Variants in PUM1 observed in about 807,000 individuals in gnomAD.
The protein encoded by PUM1 is pumilio RNA binding family member 1, also known as pumilio homolog 1.
Under a neutral mutation model 131.8 loss-of-function variants are expected in PUM1, and 13 were observed. The ratio of observed to expected loss-of-function variants is 0.10; its 90% confidence interval spans 0.06 to 0.16. The LOEUF is 0.16. Among genes scored for constraint, PUM1 ranks in the 10% least tolerant of loss-of-function variants. The pLI is 1.00. For synonymous variants in PUM1, 509 were observed against 556.5 expected (o/e 0.91, Z 1.20); for missense variants, 961 against 1,512.4 (o/e 0.64, Z 6.05).
At chr1:30,968,516 C>T in intron 10 of PUM1, 24 bp from the exon 11 acceptor site, 2 of 1,584,338 alleles carry the variant, frequency 1.3e-6, no homozygotes, top group African/African-American at 1.4e-5. Flanking sequence ...ACAGAAATAA[C>T]TCAACCACTT....
chr1:31,016,741 G>T (rs967443504), intron 3 of PUM1, among the ~76,000 whole-genome samples: 1 of 152,036 alleles, frequency 6.6e-6, no homozygotes, highest in African/African-American at 2.4e-5. Flanking sequence ...TGTTTCAAAT[G>T]GTTACTACTG....
At chr1:31,051,126 A>G (rs1477732351) in intron 2 of PUM1, 1 of 151,858 alleles carries the variant, frequency 6.6e-6, no homozygotes, top group Non-Finnish European at 1.5e-5. Flanking sequence ...CTCTTTTTTA[A>G]TACATAATAA....
chr1:30,990,661 G>A (rs1053674762), intron 7 of PUM1, among the ~76,000 whole-genome samples: 2 of 151,166 alleles, frequency 1.3e-5, no homozygotes, highest in Non-Finnish European at 2.9e-5. Context: ...TGCTATTAGG[G>A]CCCCCGGTAC....
At chr1:30,994,397 A>G (rs568935164) in intron 6 of PUM1, among the ~76,000 whole-genome samples, 1 of 152,348 alleles carries the variant, frequency 6.6e-6, no homozygotes, top group South Asian at 2.1e-4. Flanking sequence ...TTTTTCAAGA[A>G]TATGTGCCAA....
chr1:30,988,297 A>G (rs1202351038), intron 7 of PUM1, among the ~76,000 whole-genome samples: 3 of 152,224 alleles, frequency 2.0e-5, no homozygotes, highest in Non-Finnish European at 2.9e-5. Flanking sequence ...CAATGAATTA[A>G]ATGAAAATTA....
At chr1:30,993,960 C>T (rs1641894198) in intron 6 of PUM1, among the ~76,000 whole-genome samples, 1 of 152,104 alleles carries the variant, frequency 6.6e-6, no homozygotes, top group African/African-American at 2.4e-5. Context: ...GTCCCAGCTA[C>T]TCGGGAGGCT....
intron 5 of PUM1, among the ~76,000 whole-genome samples, chr1:30,995,842 A>C (rs1641963414): frequency 6.6e-6 from 1 of 152,186 alleles, no homozygotes; most frequent in African/African-American, 2.4e-5. Context: ...GCATCAATTC[A>C]CTGATGACCC....
intron 2 of PUM1, among the ~76,000 whole-genome samples, chr1:31,037,889 A>G (rs1350288951): frequency 6.6e-6 from 1 of 151,896 alleles, no homozygotes; most frequent in African/African-American, 2.4e-5. Context: ...CATCCTGGCT[A>G]ACACGGTGAA....
At chr1:30,992,072 C>T (rs528813782) in intron 7 of PUM1, among the ~76,000 whole-genome samples, 4 of 152,296 alleles carry the variant, frequency 2.6e-5, no homozygotes, top group Admixed American at 1.3e-4. Flanking sequence ...CCACATAAAT[C>T]TTCAGAGATT....
intron 2 of PUM1, among the ~76,000 whole-genome samples, chr1:31,033,057 G>T (rs375637312): frequency 1.4e-5 from 2 of 143,740 alleles, no homozygotes; most frequent in South Asian, 4.4e-4. Flanking sequence ...TACAAAAAAA[G>T]AAAAAAAAAA....
chr1:31,028,702 T>C lies in PUM1; in HGVS notation c.432+94A>G, dbSNP rs910853906. 54 of 1,060,074 alleles carry C rather than the reference T, an allele frequency of 5.1e-5. No individual in the cohort carries two copies. In the African/African-American group the frequency reaches 6.6e-4, roughly 13 times the overall value. 65.7% of individuals were successfully genotyped at this position (1,060,074 alleles called of 1,614,324 possible). On this transcript the variant is annotated intron_variant, in intron 3 of 21. Coordinates refer to ENST00000426105, the MANE Select transcript of PUM1 (RefSeq NM_001020658.2). ...GGCAACAAGGAAAAGCAAGCACATA[T>C]TTCTGGAGACTAGATTTGGACACAT...
chr1:30,980,163 C>T lies in PUM1; in HGVS notation c.1253G>A (p.Gly418Asp). The change falls in exon 9 of 22, where the codon GGT (glycine) becomes GAT (aspartate). Residue 418 changes from glycine to aspartate, a missense_variant and splice_region_variant. By Grantham distance (94) the Gly-to-Asp change is moderately conservative. Around this residue, in one of 4 missense-constraint regions of PUM1, gnomAD observed 654 missense variants for 923.9 expected, o/e 0.71. Coordinates refer to ENST00000426105, the MANE Select transcript of PUM1 (RefSeq NM_001020658.2). ...GGGGACAAACGCAGCGGGAGCTAAA[C>T]CTGCTGAAAACATACCTGTCAGTAA... ...ALAAAHQPHI[G>D]LAPAAFVPNP... 6.2e-7 allele frequency: 1 copy of T among 1,613,524 alleles called. No individual in the cohort carries two copies.
At chr1:31,045,993 A>C (rs1417455904) in intron 2 of PUM1, among the ~76,000 whole-genome samples, 3 of 152,122 alleles carry the variant, frequency 2.0e-5, no homozygotes, top group Non-Finnish European at 4.4e-5. Flanking sequence ...GAGGCAGGAG[A>C]ATCGCTTGAA....
At chr1:31,059,088 T>A (rs548935410) in intron 2 of PUM1, 116 bp downstream of exon 2, 1 of 1,209,948 alleles carries the variant, frequency 8.3e-7, no homozygotes, top group South Asian at 1.5e-5. Flanking sequence ...AGTAACTGTT[T>A]GTACCAAATG....
At chr1:30,986,146 G>T (rs1006577735) in intron 7 of PUM1, among the ~76,000 whole-genome samples, 2 of 152,122 alleles carry the variant, frequency 1.3e-5, no homozygotes, top group Non-Finnish European at 2.9e-5. Flanking sequence ...CTAGAGACGG[G>T]GTTTCACCAT....
At chr1:30,975,392 C>A (rs935467759) in intron 9 of PUM1, among the ~76,000 whole-genome samples, 1 of 151,892 alleles carries the variant, frequency 6.6e-6, no homozygotes, top group Middle Eastern at 3.4e-3. Flanking sequence ...TCTCTGTCAC[C>A]CAGGCTGGAA....
intron 21 of PUM1, chr1:30,935,818 A>C (rs1267286612): frequency 2.8e-6 from 1 of 362,808 alleles, no homozygotes; most frequent in Non-Finnish European, 5.4e-6. Flanking sequence ...CAGTGAGTTC[A>C]GAGCCCAAAA....
rs1437245227 is a variant in PUM1, at chr1:30,932,991, TAGTC to T, written c.*216_*219del. ...TACACCAGTAAAACAGCAGGGCAAT[TAGTC>T]AATTAAAAAAAATAGTACATGTTAT... On this transcript the variant is annotated 3_prime_UTR_variant, in exon 22 of 22. Coordinates refer to ENST00000426105, the MANE Select transcript of PUM1 (RefSeq NM_001020658.2). The T allele has an allele frequency of 4.2e-6, 2 of 472,784 alleles. No individual in the cohort carries two copies. The highest frequency in any genetic ancestry group is 7.3e-6 in the Non-Finnish European group (2 of 273,162). 29.3% of individuals were successfully genotyped at this position (472,784 alleles called of 1,614,324 possible).
intron 7 of PUM1, among the ~76,000 whole-genome samples, chr1:30,991,706 C>T (rs188199341): frequency 9.8e-4 from 149 of 152,268 alleles, no homozygotes; most frequent in Admixed American, 8.6e-3. Context: ...AGACAGCTGA[C>T]CTTTCTTTAA....
Sources: gnomAD v4.1 joint callset for allele counts (sites outside exome capture counted in the v4.1 genomes callset) on GRCh38, gnomAD v4.1.1 for gene constraint, gnomAD v4.1.1 regional missense constraint, MANE v1.5 for transcripts, NCBI Gene and HGNC (gene_info 2026-07-23, HGNC 2026-07-21) for gene names.